Variants in BEND4 observed in about 807,000 individuals in gnomAD.
The protein encoded by BEND4 is BEN domain-containing protein 4.
A neutral mutation model predicts 54.7 loss-of-function variants in BEND4; 27 were observed. That is an observed-to-expected ratio of 0.49 (90% CI 0.36 to 0.68). BEND4 has a LOEUF of 0.68. Ranked by LOEUF, BEND4 falls within the 30% of genes least tolerant of loss-of-function variation. The pLI is 0.00. For synonymous variants in BEND4, 327 were observed against 299.5 expected (o/e 1.09, Z -0.95); for missense variants, 702 against 697.2 (o/e 1.01, Z -0.08).
chr4:42,149,609 A>C (rs1185332192), intron 2 of BEND4, among the ~76,000 whole-genome samples: 1 of 152,092 alleles, frequency 6.6e-6, no homozygotes. Context: ...GCCCCTCTTC[A>C]CTCCTTTAGA....
Position 42,112,726 on chromosome 4 carries a change from C to CT in BEND4, c.*4791dup, listed in dbSNP as rs2153143660. On this transcript the variant is annotated 3_prime_UTR_variant, in exon 6 of 6. Transcript: ENST00000502486. ...ATATTGTGGCGTGTGAAAGTGGTCTCTAATGTGTACACAGATCAGTTAAAC... is the reference window on the plus strand; with the variant it reads ...ATATTGTGGCGTGTGAAAGTGGTCTCTTAATGTGTACACAGATCAGTTAAAC... 1 of 152,242 alleles carries CT rather than the reference C, an allele frequency of 6.6e-6. No homozygotes were observed. The highest frequency in any genetic ancestry group is 6.5e-5 in the Admixed American group (1 of 15,298). 9.4% of individuals were successfully genotyped at this position (152,242 alleles called of 1,614,324 possible). A position where few individuals can be genotyped will look rare whatever the true frequency, so the allele number is the denominator to read the frequency against.
intron 2 of BEND4, among the ~76,000 whole-genome samples, chr4:42,149,445 A>C (rs1306454316): frequency 6.6e-6 from 1 of 152,202 alleles, no homozygotes; most frequent in Non-Finnish European, 1.5e-5. Flanking sequence ...TGTATGGAAG[A>C]AGCCTACCAT....
rs530954367 is a variant in BEND4 at position 42,150,966 on chromosome 4, G to A, written c.487+691C>T. The A allele has an allele frequency of 2.0e-5, 3 of 152,402 alleles. No homozygotes were observed. In the South Asian group the frequency reaches 6.2e-4, roughly 32 times the overall value. 9.4% of individuals were successfully genotyped at this position (152,402 alleles called of 1,614,324 possible). A position where few individuals can be genotyped will look rare whatever the true frequency, so the allele number is the denominator to read the frequency against. On this transcript the variant is annotated intron_variant, in intron 2 of 5. Coordinates refer to ENST00000502486, the MANE Select transcript of BEND4 (RefSeq NM_207406.4). Reference sequence around the variant, plus strand: ...CCTGCGACTCCCGGGGCAGGAAGGAGGGGCGGGATGGTTCCCCGCGCCCGA... The same window carrying A: ...CCTGCGACTCCCGGGGCAGGAAGGAAGGGCGGGATGGTTCCCCGCGCCCGA...
At chr4:42,122,087 T>C (rs1379577183) in intron 4 of BEND4, among the ~76,000 whole-genome samples, 2 of 152,076 alleles carry the variant, frequency 1.3e-5, no homozygotes, top group Non-Finnish European at 2.9e-5. Flanking sequence ...GTGTCACCAG[T>C]ACTTTTGCGG....
intron 3 of BEND4, among the ~76,000 whole-genome samples, chr4:42,127,180 T>A (rs954255549): frequency 3.9e-5 from 6 of 152,228 alleles, no homozygotes; most frequent in Admixed American, 3.9e-4. Context: ...AATCAAAAAC[T>A]ACTTCAACAT....
chr4:42,143,161 G>A (rs539476319), intron 3 of BEND4, among the ~76,000 whole-genome samples: 11 of 152,146 alleles, frequency 7.2e-5, no homozygotes, highest in Non-Finnish European at 1.6e-4. Context: ...TAGGACTATG[G>A]TGTTCAGGCC....
chr4:42,114,694 G>A lies in BEND4; in HGVS notation c.*2824C>T, dbSNP rs1202460947. The A allele has an allele frequency of 6.6e-6, 1 of 152,216 alleles. No individual in the cohort carries two copies. The allele number at this position is 152,216 out of a possible 1,614,324, so 9.4% of individuals were successfully genotyped here. On this transcript the variant is annotated 3_prime_UTR_variant, in exon 6 of 6. Coordinates refer to ENST00000502486, the MANE Select transcript of BEND4 (RefSeq NM_207406.4). The stretch of plus-strand genomic sequence containing the variant: ...CAATGACAGCATCCGATCCTAGTGA[G>A]TGAGCTTTTAACCTGGCTACACAGA...
rs1028565390 is a variant in BEND4 at position 42,125,632 on chromosome 4, T to C, written c.1097A>G (p.Gln366Arg). The C allele has an allele frequency of 3.1e-6, 5 of 1,613,554 alleles. No individual in the cohort carries two copies. In the African/African-American group the frequency reaches 6.7e-5, roughly 22 times the overall value. ...TGGTATCAGGAGTTGGTTGTGGTGC[T>C]GCAGAACCATCTTCAAGTAATCTAA... ...TVLDYLKMVL[Q>R]HHNQLLIPQP... The change falls in exon 4 of 6, where the codon CAG (glutamine) becomes CGG (arginine). Residue 366 changes from glutamine (Q) to arginine (R), a missense_variant. By Grantham distance (43) the Gln-to-Arg change is conservative (BLOSUM62 1). Transcript: ENST00000502486.
chr4:42,125,454 G>T, intron 4 of BEND4, 129 bp downstream of exon 4: 1 of 672,446 alleles, frequency 1.5e-6, no homozygotes, highest in Non-Finnish European at 2.7e-6. Flanking sequence ...ATACTTACAG[G>T]CAACAGACCC....
intron 2 of BEND4, among the ~76,000 whole-genome samples, chr4:42,149,286 A>G (rs1721181454): frequency 6.7e-6 from 1 of 149,938 alleles, no homozygotes; most frequent in East Asian, 2.0e-4. Context: ...TCAGAGAACC[A>G]ATCAGCTCTT....
Position 42,152,126 on chromosome 4 carries a change from C to T in BEND4, c.18G>A (p.Gln6=), listed in dbSNP as rs1475286502. 1 of 1,246,188 alleles carries T rather than the reference C, an allele frequency of 8.0e-7. No homozygotes were observed. Among genetic ancestry groups the T allele is most frequent in the Non-Finnish European group, 1.0e-6 (1 of 986,554 alleles). The allele number at this position is 1,246,188 out of a possible 1,614,324, so 77.2% of individuals were successfully genotyped here. Residue 6 remains glutamine (Q), a synonymous_variant, in exon 2 of 6, where the codon CAG becomes CAA. Coordinates refer to ENST00000502486, the MANE Select transcript of BEND4 (RefSeq NM_207406.4). ...GGACGCTGGGCCCCTCCTCTGCCGG[C>T]TGCATCTCTTCCTCCATCCGGCGCC... is the stretch of plus-strand genomic sequence containing the variant. The part of the protein sequence containing the change: MEEEM[Q]PAEEGPSVPK...
chr4:42,127,234 A>C (rs1321963249), intron 3 of BEND4, among the ~76,000 whole-genome samples: 1 of 152,244 alleles, frequency 6.6e-6, no homozygotes, highest in African/African-American at 2.4e-5. Flanking sequence ...GTAGGTTAGA[A>C]AATTTTTCTT....
rs1719553672 is a variant in BEND4, at chr4:42,111,320, T to C, written c.*6198A>G. 6.6e-6 allele frequency: 1 copy of C among 152,136 alleles called. No individual in the cohort carries two copies. Among genetic ancestry groups the C allele is most frequent in the African/African-American group, 2.4e-5 (1 of 41,430 alleles). 9.4% of individuals were successfully genotyped at this position (152,136 alleles called of 1,614,324 possible). A position where few individuals can be genotyped will look rare whatever the true frequency, so the allele number is the denominator to read the frequency against. Reference sequence around the variant, plus strand: ...CAACAAGACTCCAACAATAAAAATATCAGGATCAATGGATTTGTCACAGTT... The same window carrying C: ...CAACAAGACTCCAACAATAAAAATACCAGGATCAATGGATTTGTCACAGTT... On this transcript the variant is annotated 3_prime_UTR_variant, in exon 6 of 6. Coordinates refer to ENST00000502486, the MANE Select transcript of BEND4 (RefSeq NM_207406.4).
chr4:42,145,717 G>GT (rs1721055326), intron 2 of BEND4, among the ~76,000 whole-genome samples: 1 of 150,624 alleles, frequency 6.6e-6, no homozygotes, highest in East Asian at 2.0e-4. Context: ...GAATATATAT[G>GT]TAAAGCCCAT....
rs779686666 is a variant in BEND4, at chr4:42,143,746, A to C, written c.736T>G (p.Leu246Val). The change falls in exon 3 of 6, where the codon TTG becomes GTG. Residue 246 changes from leucine to valine, a missense_variant. Leu to Val is a conservative substitution (Grantham distance 32). Coordinates refer to ENST00000502486, the MANE Select transcript of BEND4 (RefSeq NM_207406.4). Reference sequence around the variant, plus strand: ...TGTAGAGAGTCAGTGAAAACCCTCAAAAAGGCAGAAGTTTGTTGTTTCCTT... The same window carrying C: ...TGTAGAGAGTCAGTGAAAACCCTCACAAAGGCAGAAGTTTGTTGTTTCCTT... The part of the protein sequence containing the change: ...MQRKQQTSAF[L>V]RVFTDSLQNY... 8.1e-6 allele frequency: 13 copies of C among 1,613,902 alleles called. 1 individual carries two copies. The highest frequency in any genetic ancestry group is 1.1e-5 in the Non-Finnish European group (13 of 1,179,896).
chr4:42,121,225 C>G (rs181945185), intron 4 of BEND4, among the ~76,000 whole-genome samples: 1 of 152,286 alleles, frequency 6.6e-6, no homozygotes, highest in African/African-American at 2.4e-5. Flanking sequence ...CCATTTGGAT[C>G]TGATAGGGTT....
At chr4:42,139,848 G>A (rs898929326) in intron 3 of BEND4, among the ~76,000 whole-genome samples, 1 of 152,210 alleles carries the variant, frequency 6.6e-6, no homozygotes, top group Admixed American at 6.5e-5. Flanking sequence ...CCTCTAGAAC[G>A]ATGGGGTCCT....
chr4:42,132,691 C>T (rs1323243935), intron 3 of BEND4, among the ~76,000 whole-genome samples: 2 of 152,010 alleles, frequency 1.3e-5, no homozygotes, highest in Non-Finnish European at 2.9e-5. Flanking sequence ...GTGATCCACC[C>T]GCCTCAGCCT....
At chr4:42,139,761 T>G (rs778059478) in intron 3 of BEND4, among the ~76,000 whole-genome samples, 1 of 152,104 alleles carries the variant, frequency 6.6e-6, no homozygotes, top group Non-Finnish European at 1.5e-5. Context: ...CCTGCTTGGC[T>G]GTAAAAAAGT....
Sources: allele counts gnomAD v4.1 joint callset (sites outside exome capture counted in the v4.1 genomes callset), GRCh38; gene constraint gnomAD v4.1.1; transcripts MANE v1.5; gene names NCBI Gene and HGNC (gene_info 2026-07-23, HGNC 2026-07-21).